The following ADAMTS12 variants were observed in gnomAD, a reference collection of about 807,000 sequenced individuals.
ADAMTS12 encodes A disintegrin and metalloproteinase with thrombospondin motifs 12.
In ADAMTS12, 118 loss-of-function variants were observed where a neutral mutation model predicts 167.8. The observed-to-expected ratio is 0.70, with a 90% CI of 0.61 to 0.82. The LOEUF (loss-of-function observed/expected upper bound fraction) is 0.82, where lower values mean the gene tolerates loss of function less well. Ranked by LOEUF, ADAMTS12 falls within the 40% of genes least tolerant of loss-of-function variation. ADAMTS12 has a pLI of 0.00. For missense variants in ADAMTS12, 1,916 were observed against 1,998.8 expected, an observed-to-expected ratio of 0.96 and a Z score of 0.79; for synonymous variants, 704 against 716.9, an observed-to-expected ratio of 0.98 and a Z score of 0.29.
At chr5:33,779,058 G>A (rs1171631540) in intron 2 of ADAMTS12, among the ~76,000 whole-genome samples, 1 of 152,002 alleles carries the variant, frequency 6.6e-6, no homozygotes, top group East Asian at 1.9e-4. Flanking sequence ...GCTGTTAGTG[G>A]GGATGTAAAT....
intron 17 of ADAMTS12, among the ~76,000 whole-genome samples, chr5:33,593,038 A>T (rs1187577583): frequency 6.6e-6 from 1 of 152,208 alleles, no homozygotes; most frequent in Non-Finnish European, 1.5e-5. Context: ...GCACTTGGGG[A>T]GGCTAAGGCG....
chr5:33,627,060 G>GGTGGTGGTGATTTGATGGTGGTGGTA (rs1182703210), intron 13 of ADAMTS12, among the ~76,000 whole-genome samples: 27 of 149,862 alleles, frequency 1.8e-4, no homozygotes, highest in African/African-American at 6.4e-4. Context: ...ATGTGGTAAT[G>GGTGGTGGTGATTTGATGGTGGTGGTA]GTGGTGGTGA....
At chr5:33,661,360 A>G (rs1228711900) in intron 6 of ADAMTS12, among the ~76,000 whole-genome samples, 1 of 152,200 alleles carries the variant, frequency 6.6e-6, no homozygotes, top group Non-Finnish European at 1.5e-5. Flanking sequence ...TTAGCACTAT[A>G]GGCTCTATTG....
chr5:33,717,399 C>T (rs1251053018), intron 3 of ADAMTS12, among the ~76,000 whole-genome samples: 2 of 152,094 alleles, frequency 1.3e-5, no homozygotes, highest in Admixed American at 6.5e-5. Context: ...TGGCCCAGTG[C>T]CAGATCCTAT....
chr5:33,815,975 T>C (rs752533733), intron 2 of ADAMTS12, among the ~76,000 whole-genome samples: 3 of 152,198 alleles, frequency 2.0e-5, no homozygotes, highest in African/African-American at 7.2e-5. Flanking sequence ...TGCAAATTCA[T>C]TGCCAATTTG....
chr5:33,573,052 G>A (rs1223310712), intron 19 of ADAMTS12, among the ~76,000 whole-genome samples: 1 of 152,032 alleles, frequency 6.6e-6, no homozygotes, highest in Non-Finnish European at 1.5e-5. Flanking sequence ...GGGACCTGAA[G>A]GACCTCTTCA....
Position 33,576,819 on chromosome 5 carries a change from A to G in ADAMTS12, c.3207T>C (p.Asp1069=), listed in dbSNP as rs186832234. 446 of 1,614,198 alleles carry G rather than the reference A, an allele frequency of 2.8e-4. No individual in the cohort carries two copies. Among genetic ancestry groups the G allele is most frequent in the Non-Finnish European group, 3.5e-4 (414 of 1,180,032 alleles). ...AGCTCAGCTCAGGTTGGGTTGAGCT[A>G]TCTTGCCACTGTTTCCCACCCAGGT... ...EGDLGGKQWQ[D]SSTQPELSSR... is the part of the protein sequence containing the mutation. Residue 1069 remains aspartate (D), a synonymous_variant, in exon 19 of 24, where the codon GAT becomes GAC. Transcript: ENST00000504830.
intron 20 of ADAMTS12, among the ~76,000 whole-genome samples, chr5:33,557,472 G>C (rs1745537048): frequency 6.6e-6 from 1 of 152,102 alleles, no homozygotes; most frequent in African/African-American, 2.4e-5. Context: ...ATCTTTCTTA[G>C]CACATGATTT....
chr5:33,581,011 G>T (rs1303462337), intron 18 of ADAMTS12, among the ~76,000 whole-genome samples: 1 of 152,206 alleles, frequency 6.6e-6, no homozygotes, highest in Non-Finnish European at 1.5e-5. Context: ...ACTATGCCCA[G>T]CTGGACAGTA....
At chr5:33,690,773 A>G (rs1165766054) in intron 3 of ADAMTS12, among the ~76,000 whole-genome samples, 2 of 152,128 alleles carry the variant, frequency 1.3e-5, no homozygotes, top group Non-Finnish European at 2.9e-5. Context: ...TATTTTGTTA[A>G]TTATCTATTT....
chr5:33,641,994 G>T, intron 10 of ADAMTS12, 39 bp from the exon 11 acceptor site: 1 of 1,573,160 alleles, frequency 6.4e-7, no homozygotes, highest in East Asian at 2.3e-5. Flanking sequence ...GTATCAGGAA[G>T]GTTACCAGAG....
At chr5:33,688,841 T>A (rs568209042) in intron 3 of ADAMTS12, among the ~76,000 whole-genome samples, 1 of 152,282 alleles carries the variant, frequency 6.6e-6, no homozygotes, top group Admixed American at 6.5e-5. Context: ...TTCTACACCC[T>A]TATATCAGAT....
At chr5:33,759,696 C>A (rs1047087447) in intron 2 of ADAMTS12, among the ~76,000 whole-genome samples, 1 of 152,010 alleles carries the variant, frequency 6.6e-6, no homozygotes, top group Non-Finnish European at 1.5e-5. Flanking sequence ...AGAAGAAAAC[C>A]CTCTCCTCAC....
chr5:33,577,029 G>T lies in ADAMTS12; in HGVS notation c.2997C>A (p.Ser999Arg). The change falls in exon 19 of 24, where the codon AGC becomes AGA. Residue 999 changes from serine (S) to arginine (R), a missense_variant. By Grantham distance (110) the Ser-to-Arg change is moderately radical (BLOSUM62 -1). Transcript: ENST00000504830. ...ALCGLQQCPSSRRVLKPNKGT... is the reference protein window; with the variant it reads ...ALCGLQQCPSRRRVLKPNKGT... ...CTTTGTTTGGTTTCAGAACTCTCCG[G>T]CTAGAAGGGCATTGCTGGAGGCCAC... is the stretch of plus-strand genomic sequence containing the variant. The T allele has an allele frequency of 6.2e-7, 1 of 1,614,184 alleles. No homozygotes were observed. The highest frequency in any genetic ancestry group is 1.1e-5 in the South Asian group (1 of 91,086).
intron 22 of ADAMTS12, among the ~76,000 whole-genome samples, chr5:33,541,017 T>A (rs1744671354): frequency 1.3e-5 from 2 of 152,102 alleles, no homozygotes; most frequent in African/African-American, 4.8e-5. Flanking sequence ...CTTCGGAAGG[T>A]CAGTAATAAC....
intron 3 of ADAMTS12, among the ~76,000 whole-genome samples, chr5:33,744,140 A>C (rs1371623728): frequency 6.6e-6 from 1 of 152,216 alleles, no homozygotes; most frequent in Admixed American, 6.5e-5. Context: ...ATAAGCAGAC[A>C]TGATTCCTGT....
intron 18 of ADAMTS12, among the ~76,000 whole-genome samples, chr5:33,579,553 A>G (rs1354641753): frequency 1.3e-5 from 2 of 152,064 alleles, no homozygotes; most frequent in Non-Finnish European, 2.9e-5. Context: ...TTACAAAAAA[A>G]TTTTAAATGC....
intron 2 of ADAMTS12, among the ~76,000 whole-genome samples, chr5:33,843,662 T>G (rs1243477919): frequency 6.6e-6 from 1 of 152,194 alleles, no homozygotes; most frequent in Non-Finnish European, 1.5e-5. Flanking sequence ...GAAGGTACGG[T>G]AGTCACCTCT....
At chr5:33,592,958 A>G (rs1356242427) in intron 17 of ADAMTS12, among the ~76,000 whole-genome samples, 1 of 152,160 alleles carries the variant, frequency 6.6e-6, no homozygotes, top group Non-Finnish European at 1.5e-5. Context: ...AACAAATAAT[A>G]TTAGTTTATT....
Sources: allele counts gnomAD v4.1 joint callset (sites outside exome capture counted in the v4.1 genomes callset), GRCh38; gene constraint gnomAD v4.1.1; transcripts MANE v1.5; gene names NCBI Gene and HGNC (gene_info 2026-07-23, HGNC 2026-07-21).